Variants in JKAMP observed in about 807,000 individuals in gnomAD.
The protein encoded by JKAMP is JNK1/MAPK8 associated membrane protein.
JKAMP carries 20 observed loss-of-function variants against 40.2 expected under a neutral mutation model. The observed-to-expected ratio is 0.50, with a 90% CI of 0.35 to 0.72. The LOEUF (loss-of-function observed/expected upper bound fraction) is 0.72, where lower values mean the gene tolerates loss of function less well. Among genes scored for constraint, JKAMP ranks in the 30% least tolerant of loss-of-function variants. The probability of loss-of-function intolerance (pLI) is 0.01; values close to 1 mark genes in which losing one functional copy is unlikely to be tolerated. For missense variants in JKAMP, 276 were observed against 373.0 expected (o/e 0.74, Z 2.14); for synonymous variants, 138 against 131.6 (o/e 1.05, Z -0.33).
intron 4 of JKAMP, among the ~76,000 whole-genome samples, chr14:59,495,889 T>G (rs923364138): frequency 1.3e-5 from 2 of 152,190 alleles, no homozygotes; most frequent in African/African-American, 2.4e-5. Flanking sequence ...GAAAATCTTC[T>G]TTTCTACCTG....
intron 3 of JKAMP, among the ~76,000 whole-genome samples, chr14:59,488,731 A>G (rs1890766688): frequency 6.6e-6 from 1 of 152,114 alleles, no homozygotes; most frequent in Non-Finnish European, 1.5e-5. Context: ...ACTTCTCAGG[A>G]TCTTTCCTAC....
intron 3 of JKAMP, among the ~76,000 whole-genome samples, chr14:59,492,894 T>A (rs1329849218): frequency 6.6e-6 from 1 of 151,004 alleles, no homozygotes; most frequent in Non-Finnish European, 1.5e-5. Flanking sequence ...GCCTCCCAGG[T>A]TCACGTCATT....
At chr14:59,502,764 T>TCTTTGTTTTTGTG (rs1261460995) in intron 6 of JKAMP, among the ~76,000 whole-genome samples, 1 of 130,472 alleles carries the variant, frequency 7.7e-6, no homozygotes, top group Non-Finnish European at 1.6e-5. Context: ...TTTTTTTTTT[T>TCTTTGTTTTTGTG]TTTTTTTTTC....
At position 59,484,767 on chromosome 14, in the gene JKAMP, C is replaced by T; in HGVS notation, c.4+174C>T. ...CGCACTCCTGCGGGGTTGGGGTGGT[C>T]TGTCCGCAACGGGCTACTAGGGGAG... On this transcript the variant is annotated intron_variant, in intron 1 of 6. Coordinates refer to ENST00000616435, the MANE Select transcript of JKAMP (RefSeq NM_016475.5). 4 of 952,560 alleles carry T rather than the reference C, an allele frequency of 4.2e-6. No individual in the cohort carries two copies. The Admixed American group carries it at 8.4e-5, about 20-fold the overall frequency. 59.0% of individuals were successfully genotyped at this position (952,560 alleles called of 1,614,324 possible). A position where few individuals can be genotyped will look rare whatever the true frequency, so the allele number is the denominator to read the frequency against.
chr14:59,505,321 G>A lies in JKAMP; in HGVS notation c.*1249G>A, dbSNP rs1190427487. On this transcript the variant is annotated 3_prime_UTR_variant, in exon 7 of 7. Transcript: ENST00000616435. ...ACGAATGTGTTTCTTCTTCTCTGTA[G>A]GAATAAAAAATAAATATAAAAATTT... is the stretch of plus-strand genomic sequence containing the variant. 6.9e-7 allele frequency: 1 copy of A among 1,440,062 alleles called. No individual in the cohort carries two copies. The highest frequency in any genetic ancestry group is 1.4e-5 in the South Asian group (1 of 73,452). 89.2% of individuals were successfully genotyped at this position (1,440,062 alleles called of 1,614,324 possible).
intron 3 of JKAMP, among the ~76,000 whole-genome samples, chr14:59,492,313 A>G (rs2031798): frequency 0.39 from 59,272 of 152,090 alleles, 12,305 homozygotes; most frequent in African/African-American, 0.52. Context: ...ACTAGAAAAA[A>G]ATGCATAGAA....
At chr14:59,493,078 G>A (rs943080814) in intron 3 of JKAMP, among the ~76,000 whole-genome samples, 1 of 152,158 alleles carries the variant, frequency 6.6e-6, no homozygotes, top group South Asian at 2.1e-4. Context: ...GATTACAGGC[G>A]TGAGCCACCA....
Position 59,487,109 on chromosome 14 carries a change from A to C in JKAMP, c.96+305A>C, listed in dbSNP as rs187352848. 2.2e-4 allele frequency: 41 copies of C among 189,220 alleles called. No homozygotes were observed. In the East Asian group the frequency reaches 5.9e-3, roughly 27 times the overall value. The allele number at this position is 189,220 out of a possible 1,614,324, so 11.7% of individuals were successfully genotyped here. ...TCCCAGCTACTCGGGAGGCTGAGAC[A>C]GGAGAATTGCTTGAACCTAGGAGGT... On this transcript the variant is annotated intron_variant, in intron 2 of 6. Coordinates refer to ENST00000616435, the MANE Select transcript of JKAMP (RefSeq NM_016475.5).
chr14:59,491,943 T>C (rs1304459459), intron 3 of JKAMP, among the ~76,000 whole-genome samples: 2 of 152,224 alleles, frequency 1.3e-5, no homozygotes, highest in African/African-American at 4.8e-5. Context: ...GCCTCTTTGC[T>C]GGAAAGCTTC....
intron 6 of JKAMP, among the ~76,000 whole-genome samples, chr14:59,501,686 CTG>C (rs1387661130): frequency 6.6e-6 from 1 of 152,132 alleles, no homozygotes; most frequent in African/African-American, 2.4e-5. Flanking sequence ...CCATATCCTT[CTG>C]TGTTTTATCA....
intron 5 of JKAMP, 114 bp from the exon 6 acceptor site, chr14:59,501,077 A>C (rs1891842395): frequency 1.5e-6 from 1 of 669,608 alleles, no homozygotes; most frequent in African/African-American, 1.9e-5. Flanking sequence ...TAAGTCTCAC[A>C]GAACTGGTTG....
chr14:59,502,755 T>TGTTTTTTTTTCTTTGTTTTG (rs67189643), intron 6 of JKAMP, among the ~76,000 whole-genome samples: 1 of 122,918 alleles, frequency 8.1e-6, no homozygotes, highest in Admixed American at 8.8e-5. Context: ...ATGAGATTTT[T>TGTTTTTTTTTCTTTGTTTTG]TTTTTTTTTT....
chr14:59,489,766 G>C (rs1890846590), intron 3 of JKAMP, among the ~76,000 whole-genome samples: 1 of 152,166 alleles, frequency 6.6e-6, no homozygotes. Flanking sequence ...ACTGGCATCT[G>C]CTTCTGGTGA....
At chr14:59,496,996 AT>A (rs374179256) in intron 4 of JKAMP, among the ~76,000 whole-genome samples, 479 of 138,154 alleles carry the variant, frequency 3.5e-3, no homozygotes, top group South Asian at 4.4e-3. Flanking sequence ...AGTCATAGTA[AT>A]TTTTTTTTTT....
chr14:59,493,924 G>A (rs2139883852), intron 3 of JKAMP, among the ~76,000 whole-genome samples: 1 of 152,276 alleles, frequency 6.6e-6, no homozygotes, highest in South Asian at 2.1e-4. Context: ...TGAAAGAAGT[G>A]CCATGGCAAA....
chr14:59,497,203 C>T (rs1403694770), intron 4 of JKAMP, among the ~76,000 whole-genome samples: 5 of 152,018 alleles, frequency 3.3e-5, no homozygotes, highest in Admixed American at 2.0e-4. Context: ...AACATGTAAG[C>T]TTCTATCATT....
rs17096292 is a variant in JKAMP at position 59,485,378 on chromosome 14, A to G, written c.4+785A>G. 1,646 of 365,930 alleles carry G rather than the reference A, an allele frequency of 4.5e-3. 38 individuals carry two copies. In the Admixed American group the frequency reaches 0.049, roughly 11 times the overall value. 22.7% of individuals were successfully genotyped at this position (365,930 alleles called of 1,614,324 possible). ...GCCCATTAAAGAGGCCAGTGGGTTTAAAAAGCTAAGTCCGAAATTTGTTAA... is the reference window on the plus strand; with the variant it reads ...GCCCATTAAAGAGGCCAGTGGGTTTGAAAAGCTAAGTCCGAAATTTGTTAA... On this transcript the variant is annotated intron_variant, in intron 1 of 6. Coordinates refer to ENST00000616435, the MANE Select transcript of JKAMP (RefSeq NM_016475.5).
Position 59,504,185 on chromosome 14 carries a change from A to G in JKAMP, c.*113A>G. ...CATATATGGGAACAAGATTGTCAGT[A>G]TATCTTAATGTTTGGGTTTGTCTTT... On this transcript the variant is annotated 3_prime_UTR_variant, in exon 7 of 7. Coordinates refer to ENST00000616435, the MANE Select transcript of JKAMP (RefSeq NM_016475.5). 3 of 672,422 alleles carry G rather than the reference A, an allele frequency of 4.5e-6. No homozygotes were observed. The highest frequency in any genetic ancestry group is 1.9e-5 in the South Asian group (1 of 53,002). The allele number at this position is 672,422 out of a possible 1,614,324, so 41.7% of individuals were successfully genotyped here.
chr14:59,494,455 A>T (rs1425746297), intron 3 of JKAMP, among the ~76,000 whole-genome samples: 3 of 152,200 alleles, frequency 2.0e-5, no homozygotes, highest in Admixed American at 6.6e-5. Context: ...AAATCTCAGA[A>T]GACTTCCATT....
Sources: gnomAD v4.1 joint callset for allele counts (sites outside exome capture counted in the v4.1 genomes callset) on GRCh38, gnomAD v4.1.1 for gene constraint, MANE v1.5 for transcripts, NCBI Gene and HGNC (gene_info 2026-07-23, HGNC 2026-07-21) for gene names.